Variants in ZFAT observed in about 807,000 individuals in gnomAD.
ZFAT encodes zinc finger and AT-hook domain containing.
ZFAT carries 64 observed loss-of-function variants against 117.7 expected under a neutral mutation model. The ratio of observed to expected loss-of-function variants is 0.54; its 90% CI spans 0.44 to 0.67. ZFAT has a LOEUF of 0.67. Among genes scored for constraint, ZFAT ranks in the 30% least tolerant of loss-of-function variants. The pLI is 0.00. For missense variants in ZFAT, 1,433 were observed against 1,584.5 expected, an observed-to-expected ratio of 0.90 and a Z score of 1.62; for synonymous variants, 679 against 615.0, an observed-to-expected ratio of 1.10 and a Z score of -1.54.
intron 2 of ZFAT, among the ~76,000 whole-genome samples, chr8:134,642,126 A>C (rs745983769): frequency 6.6e-6 from 1 of 152,256 alleles, no homozygotes; most frequent in African/African-American, 2.4e-5. Flanking sequence ...AACAAGGGAC[A>C]CAACGGTTCA....
chr8:134,658,161 T>C (rs181202174), intron 1 of ZFAT, among the ~76,000 whole-genome samples: 7 of 151,804 alleles, frequency 4.6e-5, no homozygotes, highest in African/African-American at 1.7e-4. Flanking sequence ...CATGGTGAAA[T>C]CTCGTCTCTA....
At chr8:134,565,269 T>C in intron 11 of ZFAT, 64 bp downstream of exon 11, 1 of 1,607,416 alleles carries the variant, frequency 6.2e-7, no homozygotes, top group Non-Finnish European at 8.5e-7. Context: ...TCTCTCCATC[T>C]TCACTTTGAA....
At chr8:134,560,978 G>T (rs182162909) in intron 11 of ZFAT, among the ~76,000 whole-genome samples, 3 of 152,232 alleles carry the variant, frequency 2.0e-5, no homozygotes, top group South Asian at 2.1e-4. Flanking sequence ...CCATCCTAGG[G>T]AATGCATTTT....
Position 134,654,332 on chromosome 8 carries a change from A to C in ZFAT, c.196+3229T>G, listed in dbSNP as rs562370585. ...AAAAATTACTCTTATAATTGGAAAAAAAAGTACAAAGTAAAAGTGTAATTG... is the reference window on the plus strand; with the variant it reads ...AAAAATTACTCTTATAATTGGAAAACAAAGTACAAAGTAAAAGTGTAATTG... On this transcript the variant is annotated intron_variant, in intron 2 of 15. Coordinates refer to ENST00000377838, the MANE Select transcript of ZFAT (RefSeq NM_020863.4). Among the ~76,000 whole-genome samples the C allele has an allele frequency of 1.4e-3, 218 of 152,334 alleles. 1 individual carries two copies. The highest frequency in any genetic ancestry group is 2.8e-3 in the Non-Finnish European group (193 of 68,016).
At position 134,512,578 on chromosome 8, in the gene ZFAT, C is replaced by A. The variant is rs1048903807; in HGVS notation, c.3258G>T (p.Glu1086Asp). The change falls in exon 14 of 16, where the codon GAG (glutamate) becomes GAT (aspartate). Residue 1086 changes from glutamate (E) to aspartate (D), a missense_variant. Coordinates refer to ENST00000377838, the MANE Select transcript of ZFAT (RefSeq NM_020863.4). ...KWETATEAPE[E>D]PSTQYLHITE... ...TGATGTGGAGATACTGGGTGGAGGGCTCCTCAGGAGCTTCTGTTGCTGTCT... is the reference window on the plus strand; with the variant it reads ...TGATGTGGAGATACTGGGTGGAGGGATCCTCAGGAGCTTCTGTTGCTGTCT... The A allele has an allele frequency of 6.2e-7, 1 of 1,613,716 alleles. No individual in the cohort carries two copies. Among genetic ancestry groups the A allele is most frequent in the African/African-American group, 1.3e-5 (1 of 74,912 alleles).
intron 3 of ZFAT, among the ~76,000 whole-genome samples, chr8:134,614,495 G>C (rs868159859): frequency 2.6e-5 from 4 of 152,098 alleles, no homozygotes; most frequent in African/African-American, 7.2e-5. Flanking sequence ...CACACACACA[G>C]AGCACCGAAC....
intron 11 of ZFAT, among the ~76,000 whole-genome samples, chr8:134,556,453 G>C (rs1047302748): frequency 6.6e-6 from 1 of 151,868 alleles, no homozygotes; most frequent in East Asian, 1.9e-4. Context: ...ACTGATGAAG[G>C]ATATCAACCC....
chr8:134,567,493 A>G (rs535750930), intron 10 of ZFAT, among the ~76,000 whole-genome samples: 2 of 151,408 alleles, frequency 1.3e-5, no homozygotes, highest in South Asian at 2.2e-4. Flanking sequence ...CCATCCATCC[A>G]TCCATCAACC....
chr8:134,509,830 C>T, intron 14 of ZFAT, 81 bp from the exon 15 acceptor site: 1 of 1,512,838 alleles, frequency 6.6e-7, no homozygotes, highest in Non-Finnish European at 8.8e-7. Flanking sequence ...CCTGTCTGTT[C>T]TCTCGGGTGA....
chr8:134,506,502 T>C (rs2130329463), intron 15 of ZFAT, among the ~76,000 whole-genome samples: 1 of 152,358 alleles, frequency 6.6e-6, no homozygotes, highest in South Asian at 2.1e-4. Flanking sequence ...ATCTTTTCCT[T>C]GTCTCTTTAA....
At chr8:134,612,625 T>C (rs1165330709) in intron 3 of ZFAT, among the ~76,000 whole-genome samples, 1 of 152,244 alleles carries the variant, frequency 6.6e-6, no homozygotes, top group Non-Finnish European at 1.5e-5. Flanking sequence ...GGACCATTTT[T>C]AGACCTAGTG....
chr8:134,518,217 A>ACATTTATTTATTCAAT (rs1820388027), intron 13 of ZFAT, among the ~76,000 whole-genome samples: 1 of 152,144 alleles, frequency 6.6e-6, no homozygotes, highest in Non-Finnish European at 1.5e-5. Context: ...TCCTTCTCCC[A>ACATTTATTTATTCAAT]CATTTATTTA....
At chr8:134,656,136 T>A (rs775424954) in intron 2 of ZFAT, among the ~76,000 whole-genome samples, 6 of 152,154 alleles carry the variant, frequency 3.9e-5, no homozygotes, top group Non-Finnish European at 8.8e-5. Context: ...TCACACAGGC[T>A]GGGTGGGCAG....
intron 1 of ZFAT, among the ~76,000 whole-genome samples, chr8:134,667,334 T>C (rs1020958117): frequency 2.6e-5 from 4 of 151,696 alleles, no homozygotes; most frequent in Non-Finnish European, 5.9e-5. Context: ...CTACTAAAAA[T>C]GCAGAAAAAT....
chr8:134,608,614 T>C, intron 5 of ZFAT, 115 bp downstream of exon 5: 2 of 1,329,056 alleles, frequency 1.5e-6, no homozygotes, highest in Admixed American at 2.5e-5. Context: ...GTATCTCTTA[T>C]AAACAAGTTT....
At chr8:134,535,248 G>A (rs1267137809) in intron 11 of ZFAT, among the ~76,000 whole-genome samples, 1 of 152,038 alleles carries the variant, frequency 6.6e-6, no homozygotes, top group Non-Finnish European at 1.5e-5. Context: ...ATGTTTTGTT[G>A]GGTCCTCTCT....
At chr8:134,786,206 TTC>T in the ZFAT span, among the ~76,000 whole-genome samples, 1 of 152,206 alleles carries the variant, frequency 6.6e-6, no homozygotes, top group Admixed American at 6.5e-5. Context: ...CAATAATTGA[TTC>T]TCTCTTTCCA....
chr8:134,556,048 G>A (rs1166144332), intron 11 of ZFAT, among the ~76,000 whole-genome samples: 1 of 90,252 alleles, frequency 1.1e-5, no homozygotes, highest in African/African-American at 4.2e-5. Flanking sequence ...AGGAAGGAAG[G>A]AAGGAAGGAA....
At chr8:134,798,010 A>T in the ZFAT span, 1 of 151,868 alleles carries the variant, frequency 6.6e-6, no homozygotes, top group Non-Finnish European at 1.5e-5. Context: ...ACATTAAAAA[A>T]AGTGGAAATG....
Sources: allele counts gnomAD v4.1 joint callset (sites outside exome capture counted in the v4.1 genomes callset), GRCh38; gene constraint gnomAD v4.1.1; transcripts MANE v1.5; gene names NCBI Gene and HGNC (gene_info 2026-07-23, HGNC 2026-07-21).